The following NUDCD3 variants were observed in gnomAD, a reference collection of about 807,000 sequenced individuals.
NUDCD3 encodes the protein NudC domain containing 3, also known as nudC domain-containing protein 3.
In NUDCD3, 13 loss-of-function variants were observed where a neutral mutation model predicts 39.7. The observed-to-expected ratio is 0.33, with a 90% CI of 0.21 to 0.52. The LOEUF is 0.52. Ranked by LOEUF, NUDCD3 falls within the 20% of genes least tolerant of loss-of-function variation. The probability of loss-of-function intolerance (pLI) is 0.96; values close to 1 mark genes in which losing one functional copy is unlikely to be tolerated. For synonymous variants in NUDCD3, 175 were observed against 172.4 expected (o/e 1.02, Z -0.12); for missense variants, 453 against 458.1 (o/e 0.99, Z 0.10).
intron 1 of NUDCD3, among the ~76,000 whole-genome samples, chr7:44,487,329 A>C (rs762197004): frequency 6.6e-6 from 1 of 152,122 alleles, no homozygotes; most frequent in Non-Finnish European, 1.5e-5. Context: ...AAGTTCCACA[A>C]TGATGCAGCC....
intron 4 of NUDCD3, among the ~76,000 whole-genome samples, chr7:44,398,653 C>A (rs1798667131): frequency 6.6e-6 from 1 of 152,202 alleles, no homozygotes; most frequent in Admixed American, 6.5e-5. Flanking sequence ...CCCTTTCCTT[C>A]CTTAGTAACG....
chr7:44,406,838 G>A (rs1366347771), intron 3 of NUDCD3, among the ~76,000 whole-genome samples: 1 of 152,178 alleles, frequency 6.6e-6, no homozygotes, highest in Non-Finnish European at 1.5e-5. Flanking sequence ...GACAAAAGGA[G>A]GAGGGGCACA....
chr7:44,445,722 C>T (rs757603452), intron 2 of NUDCD3, among the ~76,000 whole-genome samples: 1 of 152,208 alleles, frequency 6.6e-6, no homozygotes, highest in Non-Finnish European at 1.5e-5. Flanking sequence ...CATGGAAATC[C>T]GTTACGACAA....
chr7:44,486,831 C>T (rs904250193), intron 1 of NUDCD3, among the ~76,000 whole-genome samples: 1 of 152,204 alleles, frequency 6.6e-6, no homozygotes, highest in African/African-American at 2.4e-5. Flanking sequence ...CTCTGACCTA[C>T]CCATTCACAC....
intron 2 of NUDCD3, among the ~76,000 whole-genome samples, chr7:44,430,960 C>A (rs1799352752): frequency 6.6e-6 from 1 of 152,174 alleles, no homozygotes; most frequent in Admixed American, 6.5e-5. Context: ...CCTCAGTAGC[C>A]CTGGCCTGGC....
At position 44,442,700 on chromosome 7, in the gene NUDCD3, T is replaced by C. The variant is rs1296331946; in HGVS notation, c.510-14997A>G. ...GGCGGACTCTCCCCTTTTCTTTTTT[T>C]TTTTTTTTTTTTTGAGACAGAGTCT... is the stretch of plus-strand genomic sequence containing the variant. On this transcript the variant is annotated intron_variant, in intron 2 of 5. Coordinates refer to ENST00000355451, the MANE Select transcript of NUDCD3 (RefSeq NM_015332.4). Among the ~76,000 whole-genome samples, 48 of 149,198 alleles carry C rather than the reference T, an allele frequency of 3.2e-4. 1 individual carries two copies. The highest frequency in any genetic ancestry group is 1.2e-3 in the African/African-American group (47 of 40,824).
At chr7:44,430,742 C>T (rs557272630) in intron 2 of NUDCD3, among the ~76,000 whole-genome samples, 9 of 152,214 alleles carry the variant, frequency 5.9e-5, no homozygotes, top group Middle Eastern at 3.4e-3. Flanking sequence ...GGGACGCTGC[C>T]GCCAGCAACA....
At chr7:44,455,495 C>G (rs968701354) in intron 2 of NUDCD3, among the ~76,000 whole-genome samples, 12 of 152,142 alleles carry the variant, frequency 7.9e-5, no homozygotes, top group Non-Finnish European at 1.8e-4. Context: ...GCTCCTCACA[C>G]AAAACCTTTC....
chr7:44,434,562 C>G (rs376154738), intron 2 of NUDCD3, among the ~76,000 whole-genome samples: 1 of 152,186 alleles, frequency 6.6e-6, no homozygotes. Context: ...TGTGACCCCC[C>G]CGCCCCGCAA....
chr7:44,411,339 C>G (rs1438799835), intron 3 of NUDCD3, among the ~76,000 whole-genome samples: 1 of 151,910 alleles, frequency 6.6e-6, no homozygotes. Flanking sequence ...AAAGTGAAGA[C>G]AACCCATAAA....
At chr7:44,396,417 T>C (rs746149997) in intron 4 of NUDCD3, among the ~76,000 whole-genome samples, 19 of 152,312 alleles carry the variant, frequency 1.2e-4, no homozygotes, top group Non-Finnish European at 2.6e-4. Context: ...GATGAGCATA[T>C]TAGTAAAAAC....
intron 2 of NUDCD3, among the ~76,000 whole-genome samples, chr7:44,457,795 C>G (rs1047580328): frequency 1.3e-5 from 2 of 152,098 alleles, no homozygotes; most frequent in African/African-American, 4.8e-5. Flanking sequence ...AATGAGATCC[C>G]ACTTCATGCC....
Position 44,383,953 on chromosome 7 carries a change from C to T in NUDCD3, c.*2058G>A, listed in dbSNP as rs1278627179. 6.6e-6 allele frequency: 1 copy of T among 152,206 alleles called. No homozygotes were observed. The highest frequency in any genetic ancestry group is 1.9e-4 in the East Asian group (1 of 5,200). 9.4% of individuals were successfully genotyped at this position (152,206 alleles called of 1,614,324 possible). A position where few individuals can be genotyped will look rare whatever the true frequency, so the allele number is the denominator to read the frequency against. On this transcript the variant is annotated 3_prime_UTR_variant, in exon 6 of 6. Coordinates refer to ENST00000355451, the MANE Select transcript of NUDCD3 (RefSeq NM_015332.4). ...GCAAGTGGCTGTTCCTGCCATGGGGCCAATACCCAATACTATCCCTCAGTC... is the reference window on the plus strand; with the variant it reads ...GCAAGTGGCTGTTCCTGCCATGGGGTCAATACCCAATACTATCCCTCAGTC...
Position 44,426,840 on chromosome 7 carries a change from G to A in NUDCD3, c.642+731C>T, listed in dbSNP as rs532453009. On this transcript the variant is annotated intron_variant, in intron 3 of 5. Coordinates refer to ENST00000355451, the MANE Select transcript of NUDCD3 (RefSeq NM_015332.4). ...AATAGCAAGGGAAGCAAGTGGGGAC[G>A]CTGGGATGAGGTGGGCCTGTCCCTC... Among the ~76,000 whole-genome samples the A allele has an allele frequency of 2.0e-5, 3 of 150,980 alleles. No individual in the cohort carries two copies. In the East Asian group the frequency reaches 5.8e-4, roughly 29 times the overall value.
intron 2 of NUDCD3, 121 bp from the exon 3 acceptor site, chr7:44,427,824 G>T: frequency 1.0e-6 from 1 of 992,924 alleles, no homozygotes; most frequent in Non-Finnish European, 1.5e-6. Flanking sequence ...TTCATCTCAA[G>T]TTCACTGGCT....
intron 2 of NUDCD3, among the ~76,000 whole-genome samples, chr7:44,463,715 T>C (rs966464210): frequency 6.6e-6 from 1 of 152,022 alleles, no homozygotes; most frequent in African/African-American, 2.4e-5. Flanking sequence ...AAATAAAAGG[T>C]GAGCCCAAGA....
chr7:44,456,025 CAAAAAAAAAAAAAAAA>C (rs1233592095), intron 2 of NUDCD3, among the ~76,000 whole-genome samples: 1 of 28,498 alleles, frequency 3.5e-5, no homozygotes, highest in African/African-American at 1.5e-4. Flanking sequence ...GACTCCGTCT[CAAAAAAAAAAAAAAAA>C]AAAAAAAAAC....
In NUDCD3 at chr7:44,474,548, ACTC is replaced by A. The variant is rs1188580978; in HGVS notation, c.509+10417_509+10419del. ...GAAAAACTCCACAGATGATTCTAAC[ACTC>A]CTCTTCCTCCTCCCTGACCACATGC... On this transcript the variant is annotated intron_variant, in intron 2 of 5. Transcript: ENST00000355451. Among the ~76,000 whole-genome samples, 12 of 151,810 alleles carry A rather than the reference ACTC, an allele frequency of 7.9e-5. No homozygotes were observed. In the East Asian group the frequency reaches 2.3e-3, roughly 29 times the overall value.
At chr7:44,391,149 AAAAAAC>A (rs781325211) in intron 5 of NUDCD3, among the ~76,000 whole-genome samples, 4 of 152,292 alleles carry the variant, frequency 2.6e-5, no homozygotes, top group African/African-American at 9.6e-5. Flanking sequence ...TGTGGGGGGA[AAAAAAC>A]AAAAACAAAA....
Sources: gnomAD v4.1 joint callset for allele counts (sites outside exome capture counted in the v4.1 genomes callset) on GRCh38, gnomAD v4.1.1 for gene constraint, MANE v1.5 for transcripts, NCBI Gene and HGNC (gene_info 2026-07-23, HGNC 2026-07-21) for gene names.